The following SNRK variants were observed in gnomAD, a reference collection of about 807,000 sequenced individuals.
SNRK encodes the protein SNF related kinase.
A neutral mutation model predicts 48.2 loss-of-function variants in SNRK; 3 were observed. The ratio of observed to expected loss-of-function variants is 0.06; its 90% confidence interval spans 0.03 to 0.16. The LOEUF is 0.16. SNRK is among the 10% of genes least tolerant of loss of function. SNRK has a pLI of 1.00. For synonymous variants in SNRK, 376 were observed against 366.1 expected (o/e 1.03, Z -0.31); for missense variants, 627 against 976.0 (o/e 0.64, Z 4.76).
At chr3:43,346,495 A>G (rs949572851) in intron 6 of SNRK, among the ~76,000 whole-genome samples, 1 of 152,248 alleles carries the variant, frequency 6.6e-6, no homozygotes, top group African/African-American at 2.4e-5. Context: ...TTACTTTGGC[A>G]ACTCCAGCTC....
intron 3 of SNRK, among the ~76,000 whole-genome samples, chr3:43,313,301 T>G (rs1308613144): frequency 1.3e-5 from 2 of 152,192 alleles, no homozygotes; most frequent in Non-Finnish European, 2.9e-5. Context: ...AGCCATAAAC[T>G]GGAAACAGCC....
chr3:43,299,872 A>G (rs1433059188), intron 2 of SNRK, 57 bp downstream of exon 2: 1 of 152,610 alleles, frequency 6.6e-6, no homozygotes, highest in Non-Finnish European at 1.5e-5. Context: ...ACATCTTAAC[A>G]TTGGGCATTG....
Position 43,303,434 on chromosome 3 carries a change from C to T in SNRK, c.231C>T (p.Arg77=). 1 of 1,614,016 alleles carries T rather than the reference C, an allele frequency of 6.2e-7. No individual in the cohort carries two copies. Among genetic ancestry groups the T allele is most frequent in the Non-Finnish European group, 8.5e-7 (1 of 1,179,996 alleles). The part of the protein sequence containing the change: ...MKLVQHPNIV[R]LYEVIDTQTK... ...TAGTGCAGCATCCTAACATCGTCCG[C>T]CTTTATGAAGTTATTGACACCCAGA... Residue 77 remains arginine, a synonymous_variant, in exon 3 of 7, where the codon CGC becomes CGT. Coordinates refer to ENST00000296088, the MANE Select transcript of SNRK (RefSeq NM_017719.5). This position sits in a 1 kb window ranked among gnomAD's most constrained non-coding sequence, Gnocchi z 6.2.
chr3:43,323,586 A>G (rs1049239583), intron 3 of SNRK, among the ~76,000 whole-genome samples: 1 of 152,208 alleles, frequency 6.6e-6, no homozygotes, highest in African/African-American at 2.4e-5. Context: ...TTACCCAGCA[A>G]TGGCCCAGCA....
At chr3:43,304,620 G>T (rs1041460316) in intron 3 of SNRK, among the ~76,000 whole-genome samples, 1 of 152,076 alleles carries the variant, frequency 6.6e-6, no homozygotes, top group Admixed American at 6.5e-5. Context: ...TAAAGGATTT[G>T]TTGATCCGAA....
intron 3 of SNRK, among the ~76,000 whole-genome samples, chr3:43,310,946 TGTTA>T (rs2090974759): frequency 6.6e-6 from 1 of 152,194 alleles, no homozygotes; most frequent in Admixed American, 6.5e-5. Flanking sequence ...TTCTTGGGGA[TGTTA>T]GTTGTTTGTT....
chr3:43,341,522 G>C (rs560638929), intron 5 of SNRK, among the ~76,000 whole-genome samples: 1 of 152,288 alleles, frequency 6.6e-6, no homozygotes, highest in Non-Finnish European at 1.5e-5. Flanking sequence ...GCTTTTTTCT[G>C]ATAATGATTA....
At position 43,348,623 on chromosome 3, in the gene SNRK, G is replaced by C. The variant is rs2091298863; in HGVS notation, c.*66G>C. On this transcript the variant is annotated 3_prime_UTR_variant, in exon 7 of 7. Coordinates refer to ENST00000296088, the MANE Select transcript of SNRK (RefSeq NM_017719.5). ...GCAGTGAAGACCGGCTCACTTCACT[G>C]TTCCATTTGGTTTTACTATTTTAAA... 7.1e-7 allele frequency: 1 copy of C among 1,416,342 alleles called. No individual in the cohort carries two copies. The highest frequency in any genetic ancestry group is 9.2e-7 in the Non-Finnish European group (1 of 1,087,298). 87.7% of individuals were successfully genotyped at this position (1,416,342 alleles called of 1,614,324 possible). A position where few individuals can be genotyped will look rare whatever the true frequency, so the allele number is the denominator to read the frequency against.
chr3:43,326,961 C>G (rs1482192067), intron 3 of SNRK, among the ~76,000 whole-genome samples: 2 of 152,164 alleles, frequency 1.3e-5, no homozygotes, highest in African/African-American at 2.4e-5. Flanking sequence ...ACCAGGAATA[C>G]TAGACATATC....
chr3:43,299,320 G>A (rs2090881026), intron 1 of SNRK, among the ~76,000 whole-genome samples: 1 of 152,138 alleles, frequency 6.6e-6, no homozygotes, highest in African/African-American at 2.4e-5. Flanking sequence ...TGGGATTACA[G>A]GCGCCCGCCT....
chr3:43,346,387 A>G (rs1485899982), intron 6 of SNRK, among the ~76,000 whole-genome samples: 3 of 152,112 alleles, frequency 2.0e-5, no homozygotes, highest in African/African-American at 4.8e-5. Context: ...CCCTGGGGAG[A>G]GAGGATAGTT....
chr3:43,307,254 T>A (rs1209527878), intron 3 of SNRK, among the ~76,000 whole-genome samples: 1 of 152,222 alleles, frequency 6.6e-6, no homozygotes, highest in African/African-American at 2.4e-5. Context: ...ATACCTTTTA[T>A]CAATACGAAA....
intron 1 of SNRK, among the ~76,000 whole-genome samples, chr3:43,299,019 G>A (rs1335299905): frequency 1.3e-5 from 2 of 152,094 alleles, no homozygotes; most frequent in Admixed American, 6.5e-5. Context: ...GGTGGTTTTG[G>A]TGCCAGGCTG....
chr3:43,308,122 AAG>A (rs1000444970), intron 3 of SNRK, among the ~76,000 whole-genome samples: 30 of 152,206 alleles, frequency 2.0e-4, no homozygotes, highest in African/African-American at 7.0e-4. Flanking sequence ...TCTGAGGGCT[AAG>A]AGAGGGGAGG....
At chr3:43,305,135 G>A (rs1241767156) in intron 3 of SNRK, among the ~76,000 whole-genome samples, 12 of 152,232 alleles carry the variant, frequency 7.9e-5, no homozygotes, top group African/African-American at 2.4e-4. Flanking sequence ...AAAAACTGAA[G>A]TCAGACAAAA....
In SNRK at chr3:43,348,462, C is replaced by CT; in HGVS notation, c.2204dup (p.Cys736ValfsTer14). ...GAAAAATAACGTGCTGCAGCTACCT[C>CT]TGTGCGAAAAGACCATCTCTGTGAA... On this transcript the variant is annotated frameshift_variant, in exon 7 of 7. Transcript: ENST00000296088. LOFTEE classifies it high-confidence loss of function. 6.2e-7 allele frequency: 1 copy of CT among 1,609,680 alleles called. No individual in the cohort carries two copies. The highest frequency in any genetic ancestry group is 8.5e-7 in the Non-Finnish European group (1 of 1,178,066).
intron 3 of SNRK, among the ~76,000 whole-genome samples, chr3:43,304,163 A>G (rs2090917840): frequency 6.6e-6 from 1 of 152,190 alleles, no homozygotes; most frequent in Non-Finnish European, 1.5e-5. Flanking sequence ...TTGGAGACCC[A>G]TATTGGAAAG....
At chr3:43,306,391 C>CT (rs537067216) in intron 3 of SNRK, among the ~76,000 whole-genome samples, 179 of 151,756 alleles carry the variant, frequency 1.2e-3, no homozygotes, top group African/African-American at 3.5e-3. Flanking sequence ...AACTTTGGTT[C>CT]TTTTTTTTGA....
intron 5 of SNRK, among the ~76,000 whole-genome samples, chr3:43,341,666 C>T (rs1213367892): frequency 2.6e-5 from 4 of 152,166 alleles, no homozygotes; most frequent in Non-Finnish European, 4.4e-5. Flanking sequence ...AAAAAAGGGG[C>T]TCCCATCAGG....
Sources: gnomAD v4.1 joint callset for allele counts (sites outside exome capture counted in the v4.1 genomes callset) on GRCh38, gnomAD v4.1.1 for gene constraint, Gnocchi (gnomAD v3.1) non-coding constraint, MANE v1.5 for transcripts, NCBI Gene and HGNC (gene_info 2026-07-23, HGNC 2026-07-21) for gene names.